Variants in LSAMP observed in about 807,000 individuals in gnomAD.
LSAMP encodes limbic system-associated membrane protein.
A neutral mutation model predicts 38.6 loss-of-function variants in LSAMP; 7 were observed. The ratio of observed to expected loss-of-function variants is 0.18; its 90% confidence interval spans 0.10 to 0.34. LSAMP has a LOEUF of 0.34. Ranked by LOEUF, LSAMP falls within the 10% of genes least tolerant of loss-of-function variation. The pLI is 1.00. For missense variants in LSAMP, 313 were observed against 420.0 expected (o/e 0.75, Z 2.23); for synonymous variants, 154 against 166.8 (o/e 0.92, Z 0.59).
At chr3:116,271,032 CT>C (rs2046965239) in intron 1 of LSAMP, among the ~76,000 whole-genome samples, 1 of 151,900 alleles carries the variant, frequency 6.6e-6, no homozygotes, top group South Asian at 2.1e-4. Flanking sequence ...GTCCTTAGAC[CT>C]TTAAAAAGGT....
In LSAMP at chr3:116,137,182, A is replaced by G. The variant is rs189372054; in HGVS notation, c.156-50626T>C. On this transcript the variant is annotated intron_variant, in intron 1 of 6. Coordinates refer to ENST00000490035, the MANE Select transcript of LSAMP (RefSeq NM_002338.5). Reference sequence around the variant, plus strand: ...TTTTATTTTTTTTTCTGTCTCTTATATAGACACTTGTCATTGGGTCTGGAT... The same window carrying G: ...TTTTATTTTTTTTTCTGTCTCTTATGTAGACACTTGTCATTGGGTCTGGAT... 2.0e-5 allele frequency among the ~76,000 whole-genome samples: 3 copies of G among 151,720 alleles called. No individual in the cohort carries two copies. The East Asian group carries it at 5.8e-4, about 30-fold the overall frequency.
At chr3:115,997,747 T>C (rs192865294) in intron 3 of LSAMP, among the ~76,000 whole-genome samples, 1 of 96,120 alleles carries the variant, frequency 1.0e-5, no homozygotes, top group East Asian at 2.7e-4. Flanking sequence ...TATATATATA[T>C]ATATATACAC....
chr3:116,412,647 T>A (rs1559859333), intron 1 of LSAMP, among the ~76,000 whole-genome samples: 2 of 152,096 alleles, frequency 1.3e-5, no homozygotes, highest in African/African-American at 2.4e-5. Flanking sequence ...AGCTGTCACA[T>A]CAACAGTCTA....
At chr3:116,100,538 C>T (rs1172218680) in intron 1 of LSAMP, among the ~76,000 whole-genome samples, 1 of 152,138 alleles carries the variant, frequency 6.6e-6, no homozygotes, top group African/African-American at 2.4e-5. Flanking sequence ...TCGTCACTTC[C>T]ACTGCCTTTG....
intron 1 of LSAMP, among the ~76,000 whole-genome samples, chr3:116,438,029 C>A: frequency 7.3e-6 from 1 of 136,472 alleles, no homozygotes; most frequent in African/African-American, 2.7e-5. Flanking sequence ...CACACATTAA[C>A]TGGAGATTAA....
intron 1 of LSAMP, among the ~76,000 whole-genome samples, chr3:116,184,562 A>T (rs1224848181): frequency 6.6e-6 from 1 of 151,932 alleles, no homozygotes; most frequent in Non-Finnish European, 1.5e-5. Context: ...GGTATCTTTA[A>T]AAATATAAAA....
At chr3:116,435,670 C>T (rs573174886) in intron 1 of LSAMP, among the ~76,000 whole-genome samples, 2 of 152,140 alleles carry the variant, frequency 1.3e-5, no homozygotes, top group African/African-American at 4.8e-5. Flanking sequence ...CCACCATCAG[C>T]TTCATTGTTA....
At chr3:115,924,117 A>C (rs1937445483) in intron 3 of LSAMP, among the ~76,000 whole-genome samples, 1 of 152,170 alleles carries the variant, frequency 6.6e-6, no homozygotes, top group African/African-American at 2.4e-5. Flanking sequence ...ATTAGCAAAG[A>C]TACTAAAGTT....
intron 1 of LSAMP, among the ~76,000 whole-genome samples, chr3:116,216,736 G>A (rs1370682658): frequency 2.0e-5 from 3 of 152,142 alleles, no homozygotes; most frequent in African/African-American, 7.2e-5. Flanking sequence ...GGAGATTAAG[G>A]AAGAAGTGTT....
At chr3:116,079,463 C>A (rs1707824784) in intron 2 of LSAMP, among the ~76,000 whole-genome samples, 1 of 152,020 alleles carries the variant, frequency 6.6e-6, no homozygotes, top group Non-Finnish European at 1.5e-5. Context: ...TGGTCACTGG[C>A]AAACATAGTG....
chr3:115,837,102 C>T (rs140856975), intron 6 of LSAMP, among the ~76,000 whole-genome samples: 106 of 152,264 alleles, frequency 7.0e-4, no homozygotes, highest in Middle Eastern at 3.4e-3. Flanking sequence ...AACAGCAAGC[C>T]TTTCCGATAA....
intron 2 of LSAMP, among the ~76,000 whole-genome samples, chr3:116,067,779 G>GT (rs148753469): frequency 0.077 from 11,607 of 151,142 alleles, 1,437 homozygotes; most frequent in African/African-American, 0.26. Flanking sequence ...TCTTGCTGTT[G>GT]TTTTTTTTTA....
intron 3 of LSAMP, among the ~76,000 whole-genome samples, chr3:115,858,160 T>A (rs1165012598): frequency 6.8e-4 from 93 of 137,768 alleles, no homozygotes; most frequent in Middle Eastern, 3.9e-3. Context: ...TCTCTCTCTC[T>A]CTCTCACACA....
chr3:116,439,486 T>A (rs2107887140), intron 1 of LSAMP, among the ~76,000 whole-genome samples: 1 of 151,880 alleles, frequency 6.6e-6, no homozygotes, highest in Non-Finnish European at 1.5e-5. Context: ...GGTCAAGCAA[T>A]CTGCTATAGC....
At chr3:116,413,671 A>C (rs1333681989) in intron 1 of LSAMP, among the ~76,000 whole-genome samples, 2 of 152,082 alleles carry the variant, frequency 1.3e-5, no homozygotes, top group Admixed American at 6.6e-5. Flanking sequence ...CAGCAGGCGG[A>C]GAAAGGCCAC....
At chr3:115,981,393 T>G (rs1206843306) in intron 3 of LSAMP, among the ~76,000 whole-genome samples, 1 of 112,418 alleles carries the variant, frequency 8.9e-6, no homozygotes, top group African/African-American at 2.7e-5. Flanking sequence ...TGAGCTTCTG[T>G]TTTTTTCCCT....
intron 3 of LSAMP, among the ~76,000 whole-genome samples, chr3:115,961,803 C>A (rs1475466823): frequency 6.6e-6 from 1 of 152,204 alleles, no homozygotes; most frequent in Admixed American, 6.5e-5. Flanking sequence ...CTCCCTCCTG[C>A]TGCTCTTAAA....
intron 4 of LSAMP, 73 bp downstream of exon 4, chr3:115,852,410 G>A: frequency 1.4e-6 from 2 of 1,480,788 alleles, no homozygotes; most frequent in Non-Finnish European, 9.0e-7. Context: ...TTTGCTAATG[G>A]AATCTTTAGA....
chr3:116,158,816 C>T (rs577675991), intron 1 of LSAMP, among the ~76,000 whole-genome samples: 147 of 152,194 alleles, frequency 9.7e-4, no homozygotes, highest in African/African-American at 3.4e-3. Flanking sequence ...ATCAAACTAC[C>T]AATGACACTC....
Sources: allele counts gnomAD v4.1 joint callset (sites outside exome capture counted in the v4.1 genomes callset), GRCh38; gene constraint gnomAD v4.1.1; transcripts MANE v1.5; gene names NCBI Gene and HGNC (gene_info 2026-07-23, HGNC 2026-07-21).